Variants in DSCAM observed in about 807,000 individuals in gnomAD.
DSCAM encodes the protein DS cell adhesion molecule, also known as cell adhesion molecule DSCAM.
Under a neutral mutation model 217.7 loss-of-function variants are expected in DSCAM, and 47 were observed. The observed-to-expected ratio is 0.22, with a 90% confidence interval of 0.17 to 0.28. DSCAM has a LOEUF of 0.28. DSCAM is among the 10% of genes least tolerant of loss of function. The pLI is 1.00. For missense variants in DSCAM, 2,080 were observed against 2,618.3 expected (o/e 0.79, Z 4.49); for synonymous variants, 1,056 against 1,015.3 (o/e 1.04, Z -0.76).
rs79540488 is a variant in DSCAM at position 40,834,060 on chromosome 21, C to T, written c.43+12559G>A. ...GAACCACTGAAGAACACAGCTTGTC[C>T]GGTGCATACTTCTTTTAAAAGTAAC... On this transcript the variant is annotated intron_variant, in intron 1 of 32. Transcript: ENST00000400454. Among the ~76,000 whole-genome samples, 790 of 152,150 alleles carry T rather than the reference C, an allele frequency of 5.2e-3. 9 individuals are homozygous for T. The highest frequency in any genetic ancestry group is 0.018 in the African/African-American group (727 of 41,502).
intron 3 of DSCAM, among the ~76,000 whole-genome samples, chr21:40,376,396 A>C (rs1393489101): frequency 6.7e-6 from 1 of 148,330 alleles, no homozygotes; most frequent in Non-Finnish European, 1.5e-5. Context: ...TAGAAGATAT[A>C]TATATATCTA....
At chr21:40,774,410 G>A (rs1404800885) in intron 1 of DSCAM, among the ~76,000 whole-genome samples, 1 of 152,206 alleles carries the variant, frequency 6.6e-6, no homozygotes, top group Non-Finnish European at 1.5e-5. Flanking sequence ...AGACTGCCTG[G>A]GAGCTCAAAC....
At chr21:40,420,397 G>A (rs540436430) in intron 3 of DSCAM, among the ~76,000 whole-genome samples, 4 of 152,104 alleles carry the variant, frequency 2.6e-5, no homozygotes, top group African/African-American at 9.7e-5. Flanking sequence ...AGAATGCCTG[G>A]TATTTATAAT....
At position 40,507,778 on chromosome 21, in the gene DSCAM, ACT is replaced by A. The variant is rs775559294; in HGVS notation, c.509-138535_509-138534del. ...AGCCTGGGTGACAGAGCACAGCAAG[ACT>A]CTGTCTCAAAAAAATAAATGTATAA... is the stretch of plus-strand genomic sequence containing the variant. On this transcript the variant is annotated intron_variant, in intron 3 of 32. Transcript: ENST00000400454. Among the ~76,000 whole-genome samples, 24 of 152,120 alleles carry A rather than the reference ACT, an allele frequency of 1.6e-4. No homozygotes were observed. In the East Asian group the frequency reaches 2.7e-3, roughly 17 times the overall value.
intron 10 of DSCAM, among the ~76,000 whole-genome samples, chr21:40,285,287 C>G (rs969519241): frequency 3.3e-5 from 5 of 152,170 alleles, no homozygotes; most frequent in African/African-American, 4.8e-5. Flanking sequence ...CAAGAGCCCC[C>G]CAAACATTTG....
chr21:40,391,384 G>T (rs541829880), intron 3 of DSCAM, among the ~76,000 whole-genome samples: 2 of 152,328 alleles, frequency 1.3e-5, no homozygotes, highest in South Asian at 4.1e-4. Context: ...AAATAAGAGT[G>T]CTATAGTTAA....
chr21:40,672,156 A>G (rs117227703), intron 3 of DSCAM, among the ~76,000 whole-genome samples: 1 of 151,784 alleles, frequency 6.6e-6, no homozygotes, highest in Non-Finnish European at 1.5e-5. Context: ...TTTAATCTTA[A>G]TTACTTCCTT....
chr21:40,711,182 A>G (rs149268143), intron 1 of DSCAM, among the ~76,000 whole-genome samples: 2,468 of 152,234 alleles, frequency 0.016, 61 homozygotes, highest in African/African-American at 0.056. Context: ...TGGGGATTAC[A>G]GGCAGCTCTG....
intron 3 of DSCAM, among the ~76,000 whole-genome samples, chr21:40,569,647 A>G (rs945863144): frequency 6.6e-6 from 1 of 152,144 alleles, no homozygotes; most frequent in Non-Finnish European, 1.5e-5. Context: ...TCAGATTTCT[A>G]TCTGTCCCCT....
intron 2 of DSCAM, among the ~76,000 whole-genome samples, chr21:40,697,345 C>A (rs1272717788): frequency 6.6e-6 from 1 of 152,118 alleles, no homozygotes; most frequent in Non-Finnish European, 1.5e-5. Flanking sequence ...TTGATGTAAT[C>A]CTATTTGTCT....
chr21:40,156,934 GAC>G (rs2090484780), intron 16 of DSCAM, among the ~76,000 whole-genome samples: 1 of 152,102 alleles, frequency 6.6e-6, no homozygotes, highest in Non-Finnish European at 1.5e-5. Context: ...TCTCAGATGA[GAC>G]TCTCTCAGTT....
intron 2 of DSCAM, among the ~76,000 whole-genome samples, chr21:40,699,757 G>T (rs2090635641): frequency 6.6e-6 from 1 of 152,154 alleles, no homozygotes; most frequent in Admixed American, 6.5e-5. Context: ...AAGAAACACT[G>T]GAAGCTAGCA....
chr21:40,779,394 T>G (rs551627847), intron 1 of DSCAM, among the ~76,000 whole-genome samples: 69 of 152,340 alleles, frequency 4.5e-4, no homozygotes, highest in African/African-American at 1.6e-3. Context: ...CAGTATTAAT[T>G]TTTAATATGT....
chr21:40,254,984 T>C (rs2073352267), intron 11 of DSCAM, among the ~76,000 whole-genome samples: 1 of 152,114 alleles, frequency 6.6e-6, no homozygotes, highest in Non-Finnish European at 1.5e-5. Context: ...AAGCTCCGTG[T>C]GGGTAAAGGC....
At chr21:40,300,263 G>T (rs189347949) in intron 9 of DSCAM, among the ~76,000 whole-genome samples, 1 of 152,158 alleles carries the variant, frequency 6.6e-6, no homozygotes, top group African/African-American at 2.4e-5. Context: ...AATGGTACCT[G>T]TTCCTGTTCA....
At chr21:40,090,060 C>T (rs2089586935) in intron 21 of DSCAM, among the ~76,000 whole-genome samples, 1 of 152,100 alleles carries the variant, frequency 6.6e-6, no homozygotes, top group Non-Finnish European at 1.5e-5. Flanking sequence ...CTCCACTATC[C>T]CCAAATTGCC....
intron 3 of DSCAM, among the ~76,000 whole-genome samples, chr21:40,603,860 T>C (rs2077081257): frequency 6.6e-6 from 1 of 151,940 alleles, no homozygotes; most frequent in Non-Finnish European, 1.5e-5. Flanking sequence ...TTCAATATTG[T>C]CTCTTTTTCT....
chr21:40,338,527 T>G lies in DSCAM; in HGVS notation c.1508-151A>C, dbSNP rs755086681. On this transcript the variant is annotated intron_variant, in intron 7 of 32. Transcript: ENST00000400454. Reference sequence around the variant, plus strand: ...ACAAATATTTTTGCATGTGGCATTTTCTACAACAAAGGTTTTTCTTTCCTT... The same window carrying G: ...ACAAATATTTTTGCATGTGGCATTTGCTACAACAAAGGTTTTTCTTTCCTT... 1.8e-4 allele frequency: 156 copies of G among 857,148 alleles called. 1 individual carries two copies. The highest frequency in any genetic ancestry group is 2.6e-4 in the Non-Finnish European group (151 of 576,966). 53.1% of individuals were successfully genotyped at this position (857,148 alleles called of 1,614,324 possible). A position where few individuals can be genotyped will look rare whatever the true frequency, so the allele number is the denominator to read the frequency against.
chr21:40,718,261 A>G (rs116526730), intron 1 of DSCAM, among the ~76,000 whole-genome samples: 3,322 of 152,320 alleles, frequency 0.022, 123 homozygotes, highest in African/African-American at 0.076. Flanking sequence ...ATAGGAGTCC[A>G]AGACCCTAGA....
Sources: allele counts gnomAD v4.1 joint callset (sites outside exome capture counted in the v4.1 genomes callset), GRCh38; gene constraint gnomAD v4.1.1; transcripts MANE v1.5; gene names NCBI Gene and HGNC (gene_info 2026-07-23, HGNC 2026-07-21).